Variants in USP54 observed in about 807,000 individuals in gnomAD.
The protein encoded by USP54 is ubiquitin specific peptidase 54.
USP54 carries 87 observed loss-of-function variants against 170.5 expected under a neutral mutation model. That is an observed-to-expected ratio of 0.51 (90% confidence interval 0.43 to 0.61). USP54 has a LOEUF of 0.61. Ranked by LOEUF, USP54 falls within the 20% of genes least tolerant of loss-of-function variation. USP54 has a pLI of 0.00. For synonymous variants in USP54, 655 were observed against 742.8 expected, an observed-to-expected ratio of 0.88 and a Z score of 1.92; for missense variants, 1,786 against 2,047.8, an observed-to-expected ratio of 0.87 and a Z score of 2.47.
At chr10:73,518,450 T>A (rs529660863) in intron 19 of USP54, among the ~76,000 whole-genome samples, 1 of 152,310 alleles carries the variant, frequency 6.6e-6, no homozygotes, top group Non-Finnish European at 1.5e-5. Context: ...AAACTTAATG[T>A]TACAAGGACT....
intron 1 of USP54, among the ~76,000 whole-genome samples, chr10:73,583,442 C>A (rs762594289): frequency 2.0e-5 from 3 of 152,154 alleles, no homozygotes; most frequent in African/African-American, 7.2e-5. Context: ...CCTGCCACCA[C>A]GCCCAGCTAA....
At chr10:73,558,483 C>T (rs551680365) in intron 4 of USP54, among the ~76,000 whole-genome samples, 1 of 152,174 alleles carries the variant, frequency 6.6e-6, no homozygotes, top group East Asian at 1.9e-4. Context: ...GTATACAATA[C>T]TATACAAATG....
intron 20 of USP54, among the ~76,000 whole-genome samples, chr10:73,514,051 G>C (rs2060646674): frequency 6.6e-6 from 1 of 151,920 alleles, no homozygotes; most frequent in African/African-American, 2.4e-5. Flanking sequence ...TCCTGACCTT[G>C]GGTGATCCAC....
chr10:73,575,668 C>T lies in USP54; in HGVS notation c.-10G>A, dbSNP rs2076023944. 1.9e-6 allele frequency: 3 copies of T among 1,560,872 alleles called. No homozygotes were observed. Among genetic ancestry groups the T allele is most frequent in the African/African-American group, 2.7e-5 (2 of 72,888 alleles). ...TTCTCTTCCAAGACATTATTGTTCA[C>T]ATTTAGCCTGAAAAAAAAATGGAGA... On this transcript the variant is annotated 5_prime_UTR_variant, in exon 3 of 24. It adds an upstream start codon to the 5' untranslated region. Transcript: ENST00000687698.
rs747406155 is a variant in USP54, at chr10:73,536,435, A to C, written c.978T>G (p.Ile326Met). 2.0e-6 allele frequency: 3 copies of C among 1,534,360 alleles called. No homozygotes were observed. The change falls in exon 11 of 24, where the codon ATT becomes ATG. Residue 326 changes from isoleucine to methionine, a missense_variant and splice_region_variant. By Grantham distance (10) the Ile-to-Met change is conservative. This residue lies in a region of USP54 where 361 missense variants were observed against 455.0 expected (regional missense o/e 0.79). Transcript: ENST00000687698. ...TCACCACATCCTTCCATTTGGGCCCAATCTGAACCAGAAACAACCAGAAGA... is the reference window on the plus strand; with the variant it reads ...TCACCACATCCTTCCATTTGGGCCCCATCTGAACCAGAAACAACCAGAAGA... ...MYFDDAHVKEIGPKWKDVVTK... is the reference protein window; with the variant it reads ...MYFDDAHVKEMGPKWKDVVTK...
chr10:73,528,952 A>C (rs2063494290), intron 15 of USP54: 1 of 152,216 alleles, frequency 6.6e-6, no homozygotes, highest in Admixed American at 6.5e-5. Flanking sequence ...GAGGAGTTAA[A>C]ATCTACTCAT....
intron 1 of USP54, among the ~76,000 whole-genome samples, chr10:73,605,355 C>A (rs1478811022): frequency 1.3e-5 from 2 of 152,062 alleles, no homozygotes; most frequent in Non-Finnish European, 2.9e-5. Flanking sequence ...TGAGCCACTG[C>A]ACCTAGCCAA....
intron 10 of USP54, 120 bp from the exon 11 acceptor site, chr10:73,536,557 A>T (rs2065249190): frequency 8.4e-7 from 1 of 1,194,014 alleles, no homozygotes; most frequent in Admixed American, 3.2e-5. Flanking sequence ...AGAATTGGGT[A>T]AAAAGGCAGC....
intron 4 of USP54, among the ~76,000 whole-genome samples, chr10:73,558,536 G>A: frequency 6.6e-6 from 1 of 152,176 alleles, no homozygotes; most frequent in East Asian, 1.9e-4. Context: ...CCTGGCCTCA[G>A]GAATATATAT....
intron 22 of USP54, among the ~76,000 whole-genome samples, chr10:73,501,053 C>G (rs1184519929): frequency 6.6e-6 from 1 of 152,166 alleles, no homozygotes; most frequent in Non-Finnish European, 1.5e-5. Context: ...TATCCCTTAA[C>G]CAGTCTTCCT....
rs2057303670 is a variant in USP54, at chr10:73,497,610, T to A, written c.*1019A>T. 6.6e-6 allele frequency: 1 copy of A among 152,282 alleles called. No individual in the cohort carries two copies. Among genetic ancestry groups the A allele is most frequent in the South Asian group, 2.1e-4 (1 of 4,830 alleles). 9.4% of individuals were successfully genotyped at this position (152,282 alleles called of 1,614,324 possible). A position where few individuals can be genotyped will look rare whatever the true frequency, so the allele number is the denominator to read the frequency against. On this transcript the variant is annotated 3_prime_UTR_variant, in exon 24 of 24. Coordinates refer to ENST00000687698, the MANE Select transcript of USP54 (RefSeq NM_001391956.1). ...AAACAGTATGTTTGGCCTAAAATAG[T>A]TCAGCTGACTCTGAGGGTTTACATT...
rs560920550 is a variant in USP54 at position 73,527,366 on chromosome 10, T to C, written c.2061-586A>G. ...TACAAAAATTAGCTGGGTGTGGTGG[T>C]GGGCGCCTGTAGTGCCAGCTACTAG... is the stretch of plus-strand genomic sequence containing the variant. On this transcript the variant is annotated intron_variant, in intron 15 of 23. Transcript: ENST00000687698. Among the ~76,000 whole-genome samples, 278 of 151,778 alleles carry C rather than the reference T, an allele frequency of 1.8e-3. 1 individual carries two copies. Among genetic ancestry groups the C allele is most frequent in the African/African-American group, 5.9e-3 (244 of 41,402 alleles).
chr10:73,498,591 A>C lies in USP54; in HGVS notation c.*38T>G, dbSNP rs781212824. The C allele has an allele frequency of 2.2e-5, 33 of 1,503,288 alleles. No individual in the cohort carries two copies. Among genetic ancestry groups the C allele is most frequent in the Non-Finnish European group, 2.9e-5 (33 of 1,124,844 alleles). 93.1% of individuals were successfully genotyped at this position (1,503,288 alleles called of 1,614,324 possible). A position where few individuals can be genotyped will look rare whatever the true frequency, so the allele number is the denominator to read the frequency against. On this transcript the variant is annotated 3_prime_UTR_variant, in exon 24 of 24. Coordinates refer to ENST00000687698, the MANE Select transcript of USP54 (RefSeq NM_001391956.1). ...GCCCGGCCCACAGTACAGTTTTACA[A>C]AGAAAGGTGTAGCTCCAGGAAAGGA...
intron 5 of USP54, among the ~76,000 whole-genome samples, chr10:73,545,242 G>A (rs769327755): frequency 2.0e-5 from 3 of 152,126 alleles, no homozygotes; most frequent in Non-Finnish European, 4.4e-5. Context: ...CCTCTGCCGG[G>A]CCTACTGTAT....
At chr10:73,578,712 G>T (rs976650481) in intron 1 of USP54, among the ~76,000 whole-genome samples, 1 of 152,040 alleles carries the variant, frequency 6.6e-6, no homozygotes, top group Non-Finnish European at 1.5e-5. Context: ...CCAGTCAATT[G>T]ATTTTTGATG....
chr10:73,575,819 G>T lies in USP54; in HGVS notation c.-39C>A. 1.3e-6 allele frequency: 1 copy of T among 799,766 alleles called. No homozygotes were observed. The highest frequency in any genetic ancestry group is 1.9e-6 in the Non-Finnish European group (1 of 537,696). The allele number at this position is 799,766 out of a possible 1,614,324, so 49.5% of individuals were successfully genotyped here. ...CCACCTTCCAAATATCATCTGTGTA[G>T]TCAAGGGACTCAGGTATCCTCCTAG... On this transcript the variant is annotated 5_prime_UTR_variant, in exon 2 of 24. Coordinates refer to ENST00000687698, the MANE Select transcript of USP54 (RefSeq NM_001391956.1).
chr10:73,542,957 C>G, intron 6 of USP54, 61 bp downstream of exon 6: 2 of 1,608,818 alleles, frequency 1.2e-6, no homozygotes, highest in Non-Finnish European at 1.7e-6. Flanking sequence ...TTTAACACCC[C>G]ACATCCCAGG....
rs1208302417 is a variant in USP54 at position 73,576,376 on chromosome 10, A to T, written c.-581-15T>A. 1 of 152,172 alleles carries T rather than the reference A, an allele frequency of 6.6e-6. No individual in the cohort carries two copies. The highest frequency in any genetic ancestry group is 2.4e-5 in the African/African-American group (1 of 41,426). 9.4% of individuals were successfully genotyped at this position (152,172 alleles called of 1,614,324 possible). On this transcript the variant is annotated splice_polypyrimidine_tract_variant and intron_variant, in intron 1 of 23. Transcript: ENST00000687698. ...GTGTCAGAGAGCTTTAACAGAAATA[A>T]AAAAAATCAAAAGCTTGCGTCACTT...
intron 1 of USP54, among the ~76,000 whole-genome samples, chr10:73,587,173 T>C (rs2077589471): frequency 6.6e-6 from 1 of 152,076 alleles, no homozygotes; most frequent in South Asian, 2.1e-4. Flanking sequence ...ACATAGTGGT[T>C]AAAAGTATAC....
Sources: allele counts gnomAD v4.1 joint callset (sites outside exome capture counted in the v4.1 genomes callset), GRCh38; gene constraint gnomAD v4.1.1; regional missense constraint gnomAD v4.1.1; transcripts MANE v1.5; gene names NCBI Gene and HGNC (gene_info 2026-07-23, HGNC 2026-07-21).